Variants in KIFAP3 observed in about 807,000 individuals in gnomAD.
KIFAP3 encodes the protein kinesin associated protein 3.
KIFAP3 carries 68 observed loss-of-function variants against 106.5 expected under a neutral mutation model. The observed-to-expected ratio is 0.64, with a 90% CI of 0.53 to 0.78. The LOEUF is 0.78. KIFAP3 is among the 30% of genes least tolerant of loss of function. The pLI, the probability that KIFAP3 is intolerant of heterozygous loss-of-function variation, is 0.00. For synonymous variants in KIFAP3, 320 were observed against 311.5 expected (o/e 1.03, Z -0.29); for missense variants, 780 against 941.8 (o/e 0.83, Z 2.25).
chr1:170,037,502 G>C (rs945362164), intron 5 of KIFAP3, among the ~76,000 whole-genome samples: 4 of 151,990 alleles, frequency 2.6e-5, no homozygotes, highest in African/African-American at 7.3e-5. Flanking sequence ...GGCTGAGGTG[G>C]GTGGATCCCC....
intron 3 of KIFAP3, chr1:170,041,724 A>C: frequency 6.5e-7 from 1 of 1,535,278 alleles, no homozygotes; most frequent in Non-Finnish European, 8.7e-7. Context: ...TGAATCTGAA[A>C]GACTTCTCCG....
intron 15 of KIFAP3, among the ~76,000 whole-genome samples, chr1:169,981,493 G>A (rs1666521607): frequency 6.6e-6 from 1 of 152,068 alleles, no homozygotes; most frequent in African/African-American, 2.4e-5. Flanking sequence ...GAGTAGTGAT[G>A]CTAAGCATAC....
chr1:169,956,503 A>C (rs1052562923), intron 18 of KIFAP3, among the ~76,000 whole-genome samples: 2 of 152,108 alleles, frequency 1.3e-5, no homozygotes, highest in Non-Finnish European at 2.9e-5. Flanking sequence ...AAAATTTTTT[A>C]CTTCAAAGAT....
intron 12 of KIFAP3, among the ~76,000 whole-genome samples, chr1:169,984,101 G>A (rs1449857773): frequency 6.6e-6 from 1 of 151,576 alleles, no homozygotes; most frequent in African/African-American, 2.4e-5. Context: ...ATCTGTGGAT[G>A]GTAGGAAATA....
intron 1 of KIFAP3, among the ~76,000 whole-genome samples, chr1:170,066,356 TAAAAC>T (rs1446745283): frequency 2.0e-5 from 3 of 152,164 alleles, no homozygotes; most frequent in Non-Finnish European, 4.4e-5. Flanking sequence ...TTCATATTGG[TAAAAC>T]CAAAACAAGT....
chr1:170,082,909 G>A (rs1428073731), intron 1 of KIFAP3, among the ~76,000 whole-genome samples: 1 of 152,148 alleles, frequency 6.6e-6, no homozygotes, highest in African/African-American at 2.4e-5. Flanking sequence ...GGAGGCAGAG[G>A]TTGCAGTGAG....
At chr1:170,079,171 T>TG (rs2102192563), upstream of KIFAP3, among the ~76,000 whole-genome samples, 1 of 152,294 alleles carries the variant, frequency 6.6e-6, no homozygotes, top group Admixed American at 6.5e-5. Context: ...AGTGAGTTCT[T>TG]GCTCTATTAG....
intron 10 of KIFAP3, among the ~76,000 whole-genome samples, chr1:169,995,790 T>C (rs1296915637): frequency 2.6e-5 from 4 of 151,964 alleles, no homozygotes; most frequent in Non-Finnish European, 2.9e-5. Flanking sequence ...CTTTAAAACA[T>C]AGGTACTACA....
At chr1:170,027,145 G>A (rs537592498) in intron 8 of KIFAP3, among the ~76,000 whole-genome samples, 1 of 150,784 alleles carries the variant, frequency 6.6e-6, no homozygotes, top group Non-Finnish European at 1.5e-5. Flanking sequence ...TCAGCCTCCT[G>A]AGTAGCTGGG....
intron 16 of KIFAP3, among the ~76,000 whole-genome samples, chr1:169,977,847 G>T (rs1236457260): frequency 2.0e-5 from 3 of 152,052 alleles, no homozygotes. Context: ...TGATATGTTT[G>T]TTAAGTTTCT....
chr1:170,067,346 C>G (rs1312137428), intron 1 of KIFAP3, among the ~76,000 whole-genome samples: 1 of 152,066 alleles, frequency 6.6e-6, no homozygotes, highest in Non-Finnish European at 1.5e-5. Context: ...GGCTGGCACT[C>G]CCCAGAAGCA....
At chr1:169,967,243 T>A (rs1665676104) in intron 17 of KIFAP3, among the ~76,000 whole-genome samples, 1 of 151,854 alleles carries the variant, frequency 6.6e-6, no homozygotes, top group African/African-American at 2.4e-5. Flanking sequence ...AAAGTAAAGA[T>A]ACACAGTACT....
intron 1 of KIFAP3, 125 bp downstream of exon 1, chr1:170,074,311 C>T: frequency 2.6e-6 from 3 of 1,162,712 alleles, no homozygotes; most frequent in Admixed American, 2.1e-5. Context: ...CTTTCGGTGA[C>T]TTCTCTCCCT....
chr1:170,017,870 C>A (rs1668604478), intron 9 of KIFAP3, among the ~76,000 whole-genome samples: 1 of 152,088 alleles, frequency 6.6e-6, no homozygotes, highest in African/African-American at 2.4e-5. Context: ...AGGTTTAGGG[C>A]AATGAAGGCA....
intron 1 of KIFAP3, among the ~76,000 whole-genome samples, chr1:170,083,238 A>G (rs1221439105): frequency 6.6e-6 from 1 of 152,228 alleles, no homozygotes; most frequent in Non-Finnish European, 1.5e-5. Context: ...AAACAAATTC[A>G]TTACTGAAAT....
At chr1:169,998,399 TACACACACACAC>T (rs1205858764) in intron 10 of KIFAP3, among the ~76,000 whole-genome samples, 2 of 97,768 alleles carry the variant, frequency 2.0e-5, no homozygotes, top group Non-Finnish European at 3.9e-5. Flanking sequence ...TATATATATA[TACACACACACAC>T]ACACACACAC....
Position 170,041,798 on chromosome 1 carries a change from A to G in KIFAP3, c.320-2510T>C. 2.0e-6 allele frequency: 3 copies of G among 1,522,238 alleles called. No individual in the cohort carries two copies. In the South Asian group the frequency reaches 3.6e-5, roughly 18 times the overall value. 94.3% of individuals were successfully genotyped at this position (1,522,238 alleles called of 1,614,324 possible). The stretch of plus-strand genomic sequence containing the variant: ...TCTCCTGATCTGTTGGCCTCCTTAA[A>G]GGTCGTGTTCCCTCTTCAGAAGTCC... On this transcript the variant is annotated intron_variant, in intron 3 of 19. Coordinates refer to ENST00000361580, the MANE Select transcript of KIFAP3 (RefSeq NM_014970.4).
chr1:169,972,480 A>G (rs1356531524), intron 17 of KIFAP3, 33 bp downstream of exon 17: 2 of 1,060,868 alleles, frequency 1.9e-6, no homozygotes, highest in African/African-American at 1.6e-5. Context: ...GATGAAGTCA[A>G]TTATACTTTG....
chr1:169,947,478 G>C (rs1207432638), intron 19 of KIFAP3, among the ~76,000 whole-genome samples: 4 of 151,864 alleles, frequency 2.6e-5, no homozygotes, highest in African/African-American at 9.7e-5. Flanking sequence ...CTAAGAACAA[G>C]TATTAGGGAC....
Sources: gnomAD v4.1 joint callset for allele counts (sites outside exome capture counted in the v4.1 genomes callset) on GRCh38, gnomAD v4.1.1 for gene constraint, MANE v1.5 for transcripts, NCBI Gene and HGNC (gene_info 2026-07-23, HGNC 2026-07-21) for gene names.